Variants in DCDC1 observed in about 807,000 individuals in gnomAD.
DCDC1 encodes the protein doublecortin domain-containing protein 1.
In DCDC1, 200 loss-of-function variants were observed where a neutral mutation model predicts 178.3. The observed-to-expected ratio is 1.12, with a 90% confidence interval of 1.00 to 1.26. The LOEUF is 1.26. Among genes scored for constraint, DCDC1 ranks in the 50% most tolerant of loss-of-function variants. The pLI, the probability that DCDC1 is intolerant of heterozygous loss-of-function variation, is 0.00. For synonymous variants in DCDC1, 690 were observed against 604.8 expected (o/e 1.14, Z -2.07); for missense variants, 1,983 against 1,749.2 (o/e 1.13, Z -2.38).
intron 21 of DCDC1, among the ~76,000 whole-genome samples, chr11:30,944,909 C>T (rs1373402009): frequency 6.7e-6 from 1 of 148,514 alleles, no homozygotes; most frequent in Non-Finnish European, 1.5e-5. Context: ...AGTTTGTATT[C>T]ATGCCTAAGA....
rs1412757832 is a variant in DCDC1, at chr11:30,864,135, A to G, written c.*1238T>C. The G allele has an allele frequency of 6.6e-6, 1 of 152,216 alleles. No homozygotes were observed. The highest frequency in any genetic ancestry group is 1.5e-5 in the Non-Finnish European group (1 of 68,046). The allele number at this position is 152,216 out of a possible 1,614,324, so 9.4% of individuals were successfully genotyped here. On this transcript the variant is annotated 3_prime_UTR_variant, in exon 39 of 39. Transcript: ENST00000684477. ...GAGTGAGACTCCATCTCAAAAAAAA[A>G]AAATTGCATATCTGTATTTTGTGAG... is the stretch of plus-strand genomic sequence containing the variant.
chr11:31,170,599 G>T (rs1031111573), intron 9 of DCDC1, among the ~76,000 whole-genome samples: 3 of 152,010 alleles, frequency 2.0e-5, no homozygotes, highest in African/African-American at 4.8e-5. Context: ...TGTTCACTTG[G>T]AGATAAGAAC....
intron 20 of DCDC1, among the ~76,000 whole-genome samples, chr11:31,051,664 C>T (rs1213452865): frequency 6.6e-6 from 1 of 152,136 alleles, no homozygotes; most frequent in Non-Finnish European, 1.5e-5. Flanking sequence ...GATTGGGGAC[C>T]TATCTTCAGC....
intron 21 of DCDC1, among the ~76,000 whole-genome samples, chr11:30,938,286 C>G (rs954458858): frequency 1.3e-5 from 2 of 152,122 alleles, no homozygotes; most frequent in African/African-American, 4.8e-5. Flanking sequence ...CTTTCTCTCT[C>G]TGGGCACGAG....
chr11:31,219,315 C>T (rs1389104119), intron 9 of DCDC1, among the ~76,000 whole-genome samples: 1 of 152,058 alleles, frequency 6.6e-6, no homozygotes, highest in Non-Finnish European at 1.5e-5. Flanking sequence ...TCAAAAATTT[C>T]ATTAAGAAAA....
chr11:30,948,754 A>G (rs183077538), intron 21 of DCDC1, among the ~76,000 whole-genome samples: 25 of 152,362 alleles, frequency 1.6e-4, no homozygotes, highest in East Asian at 9.6e-4. Flanking sequence ...AGCAACAGGG[A>G]AAGGATTCCC....
In DCDC1 at chr11:30,905,047, G is replaced by A. The variant is rs542300233; in HGVS notation, c.4222C>T (p.His1408Tyr). The A allele has an allele frequency of 1.2e-5, 19 of 1,613,834 alleles. No homozygotes were observed. Among genetic ancestry groups the A allele is most frequent in the Non-Finnish European group, 1.4e-5 (17 of 1,179,778 alleles). Residue 1408 changes from histidine (H) to tyrosine (Y), a missense_variant, in exon 31 of 39, where the codon CAC becomes TAC. His to Tyr is a moderately conservative substitution (Grantham distance 83). Transcript: ENST00000684477. ...GCAATTATTTTCACTGCCTTCTGGT[G>A]TGTGGCTGCCATGCCACTGTGAGAT... ...AASHSGMAAT[H>Y]QKAVKIIAYK...
At chr11:31,357,735 CA>C (rs1255700626) in intron 1 of DCDC1, among the ~76,000 whole-genome samples, 1 of 152,076 alleles carries the variant, frequency 6.6e-6, no homozygotes, top group African/African-American at 2.4e-5. Flanking sequence ...GCAACTTCAG[CA>C]AAGTCTCAGG....
chr11:31,120,054 C>T (rs761088688), intron 11 of DCDC1, among the ~76,000 whole-genome samples: 10 of 152,104 alleles, frequency 6.6e-5, no homozygotes, highest in Non-Finnish European at 1.3e-4. Context: ...ATTTACTGGA[C>T]TATTCATTTA....
intron 18 of DCDC1, among the ~76,000 whole-genome samples, chr11:31,067,798 C>T (rs1956334964): frequency 6.6e-6 from 1 of 151,982 alleles, no homozygotes. Context: ...CAGTAGGCCA[C>T]ATATTATATG....
chr11:31,039,556 C>G (rs1954298640), intron 20 of DCDC1, among the ~76,000 whole-genome samples: 1 of 152,080 alleles, frequency 6.6e-6, no homozygotes, highest in South Asian at 2.1e-4. Flanking sequence ...TCGCCAACAA[C>G]ATGGTAGGCA....
intron 20 of DCDC1, among the ~76,000 whole-genome samples, chr11:31,019,364 C>T (rs748230546): frequency 2.0e-5 from 3 of 151,874 alleles, no homozygotes. Context: ...GATAATGGTT[C>T]TTTGACGTGA....
chr11:31,108,503 T>G (rs1198259924), intron 12 of DCDC1, among the ~76,000 whole-genome samples: 2 of 152,220 alleles, frequency 1.3e-5, no homozygotes, highest in African/African-American at 2.4e-5. Context: ...ATGCTGATCA[T>G]TTTTTAAATC....
chr11:31,098,535 G>A (rs80233324), intron 15 of DCDC1, among the ~76,000 whole-genome samples: 1 of 152,304 alleles, frequency 6.6e-6, no homozygotes, highest in East Asian at 1.9e-4. Context: ...CAGGGGCTAG[G>A]CACTGATATC....
intron 8 of DCDC1, among the ~76,000 whole-genome samples, chr11:31,253,657 AG>A (rs1342481735): frequency 6.6e-6 from 1 of 152,210 alleles, no homozygotes; most frequent in African/African-American, 2.4e-5. Flanking sequence ...CCTGCCTTGT[AG>A]AAGACTCAGA....
chr11:31,324,289 G>A (rs1949531394), intron 3 of DCDC1, among the ~76,000 whole-genome samples: 1 of 151,606 alleles, frequency 6.6e-6, no homozygotes, highest in African/African-American at 2.4e-5. Flanking sequence ...AGCATCGGGG[G>A]CATAAATCAT....
chr11:31,133,382 T>C (rs1230695903), intron 10 of DCDC1, among the ~76,000 whole-genome samples: 1 of 152,198 alleles, frequency 6.6e-6, no homozygotes, highest in Non-Finnish European at 1.5e-5. Flanking sequence ...GCACTTCAAT[T>C]TAAGATCAGG....
At chr11:30,929,218 C>G (rs540726990) in intron 22 of DCDC1, among the ~76,000 whole-genome samples, 2 of 152,150 alleles carry the variant, frequency 1.3e-5, no homozygotes, top group East Asian at 3.9e-4. Context: ...CTTGATTCAT[C>G]AGAACACAAT....
intron 2 of DCDC1, among the ~76,000 whole-genome samples, chr11:31,329,068 G>C (rs573619856): frequency 6.8e-6 from 1 of 147,672 alleles, no homozygotes; most frequent in Non-Finnish European, 1.5e-5. Context: ...GCATGGAAGT[G>C]AATGTCTACT....
Sources: allele counts gnomAD v4.1 joint callset (sites outside exome capture counted in the v4.1 genomes callset), GRCh38; gene constraint gnomAD v4.1.1; transcripts MANE v1.5; gene names NCBI Gene and HGNC (gene_info 2026-07-23, HGNC 2026-07-21).